The following OLAH variants were observed in gnomAD, a reference collection of about 807,000 sequenced individuals.
The protein encoded by OLAH is S-acyl fatty acid synthase thioesterase, medium chain.
In OLAH, 33 loss-of-function variants were observed where a neutral mutation model predicts 27.8. The ratio of observed to expected loss-of-function variants is 1.19; its 90% CI spans 0.90 to 1.59. The LOEUF (loss-of-function observed/expected upper bound fraction) is 1.59, where lower values mean the gene tolerates loss of function less well. Among genes scored for constraint, OLAH ranks in the 40% most tolerant of loss-of-function variants. OLAH has a pLI of 0.00. For missense variants in OLAH, 359 were observed against 310.8 expected (o/e 1.16, Z -1.17); for synonymous variants, 120 against 102.9 (o/e 1.17, Z -1.01).
chr10:15,041,929 C>T (rs72774347), upstream of OLAH, among the ~76,000 whole-genome samples: 19,310 of 151,644 alleles, frequency 0.13, 1,347 homozygotes, highest in South Asian at 0.26. Flanking sequence ...GGCCCAGTTA[C>T]GTCTTTGTCC....
intron 2 of OLAH, among the ~76,000 whole-genome samples, chr10:15,049,100 C>CTTTT (rs752500462): frequency 2.2e-4 from 12 of 55,334 alleles, no homozygotes; most frequent in Non-Finnish European, 3.1e-4. Flanking sequence ...GAGACTATGT[C>CTTTT]TTTTTTTTTT....
chr10:15,047,139 C>T lies in OLAH; in HGVS notation c.-150C>T. ...TATTTTTAACAGGGATTGGAGAGGT[C>T]AATAAGAGTCAGCGCCTTTAAAAAG... is the stretch of plus-strand genomic sequence containing the variant. On this transcript the variant is annotated 5_prime_UTR_variant, in exon 2 of 8. Transcript: ENST00000378228. 1 of 615,306 alleles carries T rather than the reference C, an allele frequency of 1.6e-6. No homozygotes were observed. The highest frequency in any genetic ancestry group is 2.8e-6 in the Non-Finnish European group (1 of 360,094). 38.1% of individuals were successfully genotyped at this position (615,306 alleles called of 1,614,324 possible).
At chr10:15,055,909 G>T (rs1452443738) in intron 3 of OLAH, among the ~76,000 whole-genome samples, 1 of 151,576 alleles carries the variant, frequency 6.6e-6, no homozygotes, top group East Asian at 1.9e-4. Context: ...GAGTGCAGTG[G>T]CACAATCTCT....
chr10:15,067,262 A>C (rs151167694), intron 6 of OLAH, among the ~76,000 whole-genome samples: 1 of 152,186 alleles, frequency 6.6e-6, no homozygotes, highest in South Asian at 2.1e-4. Flanking sequence ...GCCTTGCACA[A>C]TGGTGAAACA....
At chr10:15,037,752 G>A (rs1843863244) in intron 1 of OLAH, among the ~76,000 whole-genome samples, 1 of 152,128 alleles carries the variant, frequency 6.6e-6, no homozygotes, top group South Asian at 2.1e-4. Flanking sequence ...ATCTCATATT[G>A]CTGGTAGAAC....
intron 6 of OLAH, 144 bp downstream of exon 6, chr10:15,065,897 T>C (rs1292043096): frequency 2.4e-5 from 16 of 675,756 alleles, no homozygotes; most frequent in Non-Finnish European, 3.5e-5. Context: ...ACCTATGGTA[T>C]GTATACTGGT....
intron 1 of OLAH, among the ~76,000 whole-genome samples, chr10:15,036,290 G>C (rs915290826): frequency 2.0e-5 from 3 of 152,154 alleles, no homozygotes; most frequent in African/African-American, 7.2e-5. Flanking sequence ...TTGAGGTCAG[G>C]AGTTCAAGAC....
intron 3 of OLAH, among the ~76,000 whole-genome samples, chr10:15,052,281 TA>T (rs1308657867): frequency 6.6e-6 from 1 of 152,060 alleles, no homozygotes; most frequent in Admixed American, 6.6e-5. Context: ...AGACTCTGCC[TA>T]AAAAAAATAA....
At chr10:15,070,204 T>C (rs1055908774) in intron 6 of OLAH, among the ~76,000 whole-genome samples, 1 of 151,856 alleles carries the variant, frequency 6.6e-6, no homozygotes, top group Admixed American at 6.6e-5. Context: ...GCTGCTTTTT[T>C]ACATTCCAGG....
At chr10:15,071,414 T>C (rs777230165) in intron 6 of OLAH, 1 of 562,656 alleles carries the variant, frequency 1.8e-6, no homozygotes, top group Non-Finnish European at 2.3e-6. Context: ...TAAACACGTT[T>C]GCTGCTGTTG....
chr10:15,061,632 T>C (rs1844365074), intron 3 of OLAH, 92 bp from the exon 4 acceptor site: 1 of 1,252,562 alleles, frequency 8.0e-7, no homozygotes, highest in Non-Finnish European at 1.1e-6. Context: ...TTCTTTGAAA[T>C]TTTTTCCATC....
intron 5 of OLAH, among the ~76,000 whole-genome samples, chr10:15,064,778 C>G (rs1458238482): frequency 6.6e-6 from 1 of 152,170 alleles, no homozygotes; most frequent in Non-Finnish European, 1.5e-5. Flanking sequence ...CTGTCTCAGC[C>G]TCCTGAGTAG....
chr10:15,040,378 T>G (rs868442940), upstream of OLAH, among the ~76,000 whole-genome samples: 2 of 152,152 alleles, frequency 1.3e-5, no homozygotes, highest in Admixed American at 6.6e-5. Flanking sequence ...AAGATACAGA[T>G]TTCAGTCACA....
At chr10:15,061,934 T>C (rs184084788) in intron 4 of OLAH, 72 bp downstream of exon 4, 1 of 1,470,258 alleles carries the variant, frequency 6.8e-7, no homozygotes, top group East Asian at 2.3e-5. Flanking sequence ...ATGTTATTCT[T>C]TGTGTTTTGT....
chr10:15,037,713 G>A (rs1019978323), intron 1 of OLAH, among the ~76,000 whole-genome samples: 4 of 152,206 alleles, frequency 2.6e-5, no homozygotes, highest in Non-Finnish European at 5.9e-5. Flanking sequence ...AGGCAGCAGA[G>A]TGTCTGAGAT....
intron 3 of OLAH, among the ~76,000 whole-genome samples, chr10:15,053,371 T>C (rs1199154610): frequency 6.6e-6 from 1 of 152,166 alleles, no homozygotes; most frequent in East Asian, 1.9e-4. Flanking sequence ...CAGAAACTGG[T>C]CAAGTGGATT....
Position 15,061,851 on chromosome 10 carries a change from T to A in OLAH, c.291T>A (p.Phe97Leu). Residue 97 changes from phenylalanine to leucine, a missense_variant, in exon 4 of 8, where the codon TTT becomes TTA. By Grantham distance (22) the Phe-to-Leu change is conservative. Coordinates refer to ENST00000378228, the MANE Select transcript of OLAH (RefSeq NM_001039702.3). Reference protein sequence around the residue: ...QPVIQDKPFAFFGHSMGSYIA... With the variant: ...QPVIQDKPFALFGHSMGSYIA... ...TCATCCAGGATAAACCATTTGCATT[T>A]TTTGGCCACAGGTATTTGATATCTG... 6.2e-7 allele frequency: 1 copy of A among 1,613,154 alleles called. No individual in the cohort carries two copies.
chr10:15,052,904 G>A (rs529841732), intron 3 of OLAH, among the ~76,000 whole-genome samples: 1 of 151,544 alleles, frequency 6.6e-6, no homozygotes, highest in African/African-American at 2.4e-5. Context: ...CACCATGGCT[G>A]GCTAATTTTG....
At chr10:15,038,924 C>T (rs1392169835) in intron 1 of OLAH, among the ~76,000 whole-genome samples, 2 of 152,138 alleles carry the variant, frequency 1.3e-5, no homozygotes, top group Non-Finnish European at 2.9e-5. Context: ...AGCATCTTGA[C>T]TGGGAATTGC....
Sources: allele counts gnomAD v4.1 joint callset (sites outside exome capture counted in the v4.1 genomes callset), GRCh38; gene constraint gnomAD v4.1.1; transcripts MANE v1.5; gene names NCBI Gene and HGNC (gene_info 2026-07-23, HGNC 2026-07-21).